Variants in CFAP299 observed in about 807,000 individuals in gnomAD.
CFAP299 encodes cilia- and flagella-associated protein 299.
CFAP299 carries 21 observed loss-of-function variants against 27.0 expected under a neutral mutation model. That is an observed-to-expected ratio of 0.78 (90% CI 0.55 to 1.12). The LOEUF (loss-of-function observed/expected upper bound fraction) is 1.12. CFAP299 is among the 50% of genes most tolerant of loss of function. The probability of loss-of-function intolerance (pLI) is 0.00; values close to 1 mark genes in which losing one functional copy is unlikely to be tolerated. For synonymous variants in CFAP299, 104 were observed against 98.1 expected, an observed-to-expected ratio of 1.06 and a Z score of -0.36; for missense variants, 310 against 276.6, an observed-to-expected ratio of 1.12 and a Z score of -0.86.
chr4:80,589,545 A>G (rs1292384052), intron 3 of CFAP299, among the ~76,000 whole-genome samples: 1 of 152,234 alleles, frequency 6.6e-6, no homozygotes, highest in African/African-American at 2.4e-5. Flanking sequence ...CCACATATAT[A>G]TGTAATACAT....
intron 3 of CFAP299, among the ~76,000 whole-genome samples, chr4:80,856,023 A>G (rs1010070047): frequency 1.4e-4 from 21 of 151,622 alleles, no homozygotes; most frequent in Middle Eastern, 3.4e-3. Flanking sequence ...AGTCCCACCA[A>G]CAGTGTAAAA....
At chr4:80,657,788 G>A (rs762779816) in intron 3 of CFAP299, among the ~76,000 whole-genome samples, 2 of 152,000 alleles carry the variant, frequency 1.3e-5, no homozygotes, top group Non-Finnish European at 2.9e-5. Context: ...AGCTTGATGG[G>A]GATATCATTG....
At chr4:80,907,623 C>T (rs1310749440) in intron 4 of CFAP299, among the ~76,000 whole-genome samples, 1 of 152,102 alleles carries the variant, frequency 6.6e-6, no homozygotes, top group Non-Finnish European at 1.5e-5. Flanking sequence ...AGGAGAATTG[C>T]AGAGTGAAGG....
intron 3 of CFAP299, among the ~76,000 whole-genome samples, chr4:80,648,048 G>A (rs1055662716): frequency 2.6e-5 from 4 of 152,152 alleles, no homozygotes; most frequent in Non-Finnish European, 5.9e-5. Context: ...CAGAGGGAGA[G>A]ACTCTGTCTC....
At chr4:80,707,530 T>C (rs993994603) in intron 3 of CFAP299, among the ~76,000 whole-genome samples, 1 of 152,016 alleles carries the variant, frequency 6.6e-6, no homozygotes, top group African/African-American at 2.4e-5. Flanking sequence ...GACACAATTA[T>C]AATTCCACAG....
At chr4:80,879,977 G>A (rs929820288) in intron 4 of CFAP299, among the ~76,000 whole-genome samples, 12 of 152,270 alleles carry the variant, frequency 7.9e-5, no homozygotes, top group Middle Eastern at 6.8e-3. Flanking sequence ...GGTCTACAAA[G>A]TCAGACCTTT....
intron 2 of CFAP299, among the ~76,000 whole-genome samples, chr4:80,481,844 A>C (rs953432920): frequency 1.3e-5 from 2 of 151,990 alleles, no homozygotes. Flanking sequence ...ATTTTTTCCC[A>C]TTTATTTTAT....
intron 3 of CFAP299, among the ~76,000 whole-genome samples, chr4:80,815,190 A>G (rs1200075838): frequency 1.3e-5 from 2 of 152,060 alleles, no homozygotes; most frequent in African/African-American, 4.8e-5. Flanking sequence ...TGAATTTACA[A>G]GTACTACTGT....
At chr4:80,693,501 A>G (rs563435042) in intron 3 of CFAP299, among the ~76,000 whole-genome samples, 2 of 139,842 alleles carry the variant, frequency 1.4e-5, no homozygotes, top group Non-Finnish European at 3.1e-5. Context: ...GAACAATGAG[A>G]ACACATGGAC....
chr4:80,854,469 G>C (rs1731708846), intron 3 of CFAP299, among the ~76,000 whole-genome samples: 2 of 151,778 alleles, frequency 1.3e-5, no homozygotes, highest in African/African-American at 4.8e-5. Context: ...TCAATTATTT[G>C]AAAGTAACAT....
the CFAP299 span, among the ~76,000 whole-genome samples, chr4:80,330,157 A>C: frequency 6.6e-6 from 1 of 152,062 alleles, no homozygotes; most frequent in Non-Finnish European, 1.5e-5. Flanking sequence ...TCTGGCTATA[A>C]AATTCTTTCC....
intron 3 of CFAP299, among the ~76,000 whole-genome samples, chr4:80,780,346 T>G (rs1355060279): frequency 1.3e-5 from 2 of 152,132 alleles, no homozygotes; most frequent in Non-Finnish European, 2.9e-5. Flanking sequence ...TGTAAGCTTT[T>G]GAAAGGCATT....
intron 3 of CFAP299, among the ~76,000 whole-genome samples, chr4:80,860,478 A>T (rs944062667): frequency 6.6e-6 from 1 of 152,146 alleles, no homozygotes; most frequent in Non-Finnish European, 1.5e-5. Context: ...GAGGAGGAGA[A>T]GTGCTCTGCT....
At chr4:80,801,965 GA>G (rs1174973398) in intron 3 of CFAP299, among the ~76,000 whole-genome samples, 12 of 152,026 alleles carry the variant, frequency 7.9e-5, no homozygotes, top group Non-Finnish European at 1.8e-4. Context: ...TCTGATGTCA[GA>G]GAAACATGTT....
At chr4:80,619,372 T>A (rs1560659737) in intron 3 of CFAP299, among the ~76,000 whole-genome samples, 1 of 152,192 alleles carries the variant, frequency 6.6e-6, no homozygotes, top group Non-Finnish European at 1.5e-5. Context: ...TATGCTTTTT[T>A]AAATAATTAA....
At chr4:80,405,924 A>G (rs1164876337) in intron 2 of CFAP299, among the ~76,000 whole-genome samples, 2 of 152,148 alleles carry the variant, frequency 1.3e-5, no homozygotes, top group East Asian at 3.8e-4. Flanking sequence ...CAGCCATGAC[A>G]GTAGTTATTA....
chr4:80,506,286 A>G lies in CFAP299; in HGVS notation c.243-76807A>G, dbSNP rs548293863. 3.5e-4 allele frequency among the ~76,000 whole-genome samples: 54 copies of G among 152,234 alleles called. No individual in the cohort carries two copies. The Middle Eastern group carries it at 0.014, about 38-fold the overall frequency. ...CCAGGACTATTTGAAACAGATATCT[A>G]TATAAAAAGATGGCTGGATGTGGGA... On this transcript the variant is annotated intron_variant, in intron 2 of 5. Coordinates refer to ENST00000358105, the MANE Select transcript of CFAP299 (RefSeq NM_152770.3).
intron 2 of CFAP299, among the ~76,000 whole-genome samples, chr4:80,427,173 A>G (rs977355757): frequency 6.6e-6 from 1 of 152,284 alleles, no homozygotes; most frequent in African/African-American, 2.4e-5. Flanking sequence ...CAACTCTGAA[A>G]AGTTGTATAG....
In CFAP299 at chr4:80,799,399, A is replaced by G. The variant is rs1467572506; in HGVS notation, c.334-70594A>G. ...ATAAATGTATTTATATAATATTTAT[A>G]TATATTTATACATATAAGTAATATT... On this transcript the variant is annotated intron_variant, in intron 3 of 5. Transcript: ENST00000358105. Among the ~76,000 whole-genome samples, 53 of 92,560 alleles carry G rather than the reference A, an allele frequency of 5.7e-4. No individual in the cohort carries two copies. In the East Asian group the frequency reaches 0.014, roughly 25 times the overall value. 60.7% of individuals were successfully genotyped at this position (92,560 alleles called of 152,430 possible).
Sources: gnomAD v4.1 joint callset for allele counts (sites outside exome capture counted in the v4.1 genomes callset) on GRCh38, gnomAD v4.1.1 for gene constraint, MANE v1.5 for transcripts, NCBI Gene and HGNC (gene_info 2026-07-23, HGNC 2026-07-21) for gene names.